Variants in LACTB observed in about 807,000 individuals in gnomAD.
LACTB encodes the protein serine beta-lactamase-like protein LACTB, mitochondrial.
LACTB carries 35 observed loss-of-function variants against 50.2 expected under a neutral mutation model. The ratio of observed to expected loss-of-function variants is 0.70; its 90% CI spans 0.53 to 0.92. The LOEUF (loss-of-function observed/expected upper bound fraction) is 0.92, where lower values mean the gene tolerates loss of function less well. Among genes scored for constraint, LACTB ranks in the 40% least tolerant of loss-of-function variants. The pLI is 0.00. For missense variants in LACTB, 664 were observed against 691.8 expected, an observed-to-expected ratio of 0.96 and a Z score of 0.45; for synonymous variants, 252 against 268.2, an observed-to-expected ratio of 0.94 and a Z score of 0.59.
At chr15:63,136,973 G>A (rs1479320428) in intron 5 of LACTB, among the ~76,000 whole-genome samples, 2 of 151,976 alleles carry the variant, frequency 1.3e-5, no homozygotes, top group African/African-American at 2.4e-5. Context: ...AGTACCATAC[G>A]GTGTCTGTCA....
At chr15:63,130,524 A>AAAGC (rs201227866) in intron 5 of LACTB, 8 of 148,514 alleles carry the variant, frequency 5.4e-5, no homozygotes, top group Admixed American at 4.0e-4. Flanking sequence ...GGAAAAAAAA[A>AAAGC]AAAAAAAAAA....
At chr15:63,127,273 C>T in intron 3 of LACTB, 80 bp from the exon 4 acceptor site, 1 of 1,163,412 alleles carries the variant, frequency 8.6e-7, no homozygotes, top group South Asian at 1.6e-5. Context: ...GAAAATATTA[C>T]TGAGACATTA....
In LACTB at chr15:63,127,120, G is replaced by A. The variant is rs914071081; in HGVS notation, c.615+71G>A. 26 of 1,187,306 alleles carry A rather than the reference G, an allele frequency of 2.2e-5. No homozygotes were observed. In the African/African-American group the frequency reaches 4.0e-4, roughly 18 times the overall value. The allele number at this position is 1,187,306 out of a possible 1,614,324, so 73.5% of individuals were successfully genotyped here. A position where few individuals can be genotyped will look rare whatever the true frequency, so the allele number is the denominator to read the frequency against. Reference sequence around the variant, plus strand: ...TTATGCTGGAATTTATATTTAAAATGTTTCATAGGATTCTTTGGCTTGTTT... The same window carrying A: ...TTATGCTGGAATTTATATTTAAAATATTTCATAGGATTCTTTGGCTTGTTT... On this transcript the variant is annotated intron_variant, in intron 3 of 5. Transcript: ENST00000261893.
At chr15:63,122,297 T>C in intron 1 of LACTB, 69 bp downstream of exon 1, 1 of 1,313,798 alleles carries the variant, frequency 7.6e-7, no homozygotes, top group Non-Finnish European at 1.0e-6. Flanking sequence ...TGTCGGGGGC[T>C]GAGTGGACCC....
chr15:63,122,486 A>T lies in LACTB; in HGVS notation c.358-150A>T, dbSNP rs542608438. The T allele has an allele frequency of 5.1e-5, 39 of 759,286 alleles. 1 individual carries two copies. Among genetic ancestry groups the T allele is most frequent in the Middle Eastern group, 3.5e-4 (1 of 2,830 alleles). The allele number at this position is 759,286 out of a possible 1,614,324, so 47.0% of individuals were successfully genotyped here. A position where few individuals can be genotyped will look rare whatever the true frequency, so the allele number is the denominator to read the frequency against. ...ACAGGCACATCCCTTGCTGTTAGTG[A>T]GTGACCATGGCCTGGGACGAGGTGG... is the stretch of plus-strand genomic sequence containing the variant. On this transcript the variant is annotated intron_variant, in intron 1 of 5. Coordinates refer to ENST00000261893, the MANE Select transcript of LACTB (RefSeq NM_032857.5).
At chr15:63,123,902 G>A (rs2037012118) in intron 2 of LACTB, among the ~76,000 whole-genome samples, 2 of 152,222 alleles carry the variant, frequency 1.3e-5, no homozygotes, top group South Asian at 4.1e-4. Context: ...ACAGGGAGAC[G>A]GTTAGGCCTC....
intron 5 of LACTB, among the ~76,000 whole-genome samples, chr15:63,131,961 A>AG (rs1232145045): frequency 1.3e-5 from 2 of 152,154 alleles, no homozygotes; most frequent in Non-Finnish European, 2.9e-5. Context: ...CAACAAAAAA[A>AG]AAAAAGAATA....
chr15:63,141,368 A>G lies in LACTB; in HGVS notation c.1207A>G (p.Thr403Ala), dbSNP rs766589039. ...ATGGGCTGGTGGTGGATTTCTGTCTACAGTGGGTGACCTTCTGAAATTTGG... is the reference window on the plus strand; with the variant it reads ...ATGGGCTGGTGGTGGATTTCTGTCTGCAGTGGGTGACCTTCTGAAATTTGG... The part of the protein sequence containing the change: ...YKWAGGGFLS[T>A]VGDLLKFGNA... The change falls in exon 6 of 6, where the codon ACA becomes GCA. Residue 403 changes from threonine (T) to alanine (A), a missense_variant. Transcript: ENST00000261893. The G allele has an allele frequency of 1.9e-6, 3 of 1,614,238 alleles. No individual in the cohort carries two copies. The highest frequency in any genetic ancestry group is 2.2e-5 in the East Asian group (1 of 44,894).
At chr15:63,122,301 T>TGGAC in intron 1 of LACTB, 73 bp downstream of exon 1, 1 of 1,294,208 alleles carries the variant, frequency 7.7e-7, no homozygotes, top group Non-Finnish European at 1.0e-6. Context: ...GGGGGCTGAG[T>TGGAC]GGACCCCACC....
chr15:63,133,666 A>G, intron 5 of LACTB, among the ~76,000 whole-genome samples: 1 of 152,210 alleles, frequency 6.6e-6, no homozygotes, highest in East Asian at 1.9e-4. Context: ...ACAAGACTAT[A>G]TGAAAGTGCT....
In LACTB at chr15:63,141,680, A is replaced by G. The variant is rs377555615; in HGVS notation, c.1519A>G (p.Thr507Ala). 4.4e-5 allele frequency: 71 copies of G among 1,614,196 alleles called. 1 individual carries two copies. The South Asian group carries it at 6.4e-4, about 14-fold the overall frequency. ...CCTTCCTGAAGAACTGGATACAGAG[A>G]CTATAAATAACAAGGTTCCCCCAAG... is the stretch of plus-strand genomic sequence containing the variant. The part of the protein sequence containing the change: ...LVLPEELDTE[T>A]INNKVPPRGI... Residue 507 changes from threonine (T) to alanine (A), a missense_variant, in exon 6 of 6, where the codon ACT (threonine) becomes GCT (alanine). Transcript: ENST00000261893.
At chr15:63,122,413 G>A (rs2036987059) in intron 1 of LACTB, among the ~76,000 whole-genome samples, 185 bp downstream of exon 1, 1 of 152,360 alleles carries the variant, frequency 6.6e-6, no homozygotes, top group Non-Finnish European at 1.5e-5. Flanking sequence ...AAATCTGGGT[G>A]GAGGTCACCG....
rs2037060765 is a variant in LACTB at position 63,126,923 on chromosome 15, T to A, written c.489T>A (p.Ala163=). ...PCKPETVMRI[A]SISKSLTMVA... ...AACCAGAGACAGTTATGCGAATTGC[T>A]AGCATCAGCAAAAGTCTCACCATGG... is the stretch of plus-strand genomic sequence containing the variant. Residue 163 remains alanine (A), a synonymous_variant, in exon 3 of 6, where the codon GCT becomes GCA. Coordinates refer to ENST00000261893, the MANE Select transcript of LACTB (RefSeq NM_032857.5). 6.2e-7 allele frequency: 1 copy of A among 1,613,374 alleles called. No homozygotes were observed. Among genetic ancestry groups the A allele is most frequent in the Non-Finnish European group, 8.5e-7 (1 of 1,179,516 alleles).
At chr15:63,135,002 T>C (rs1054912210) in intron 5 of LACTB, among the ~76,000 whole-genome samples, 1 of 152,240 alleles carries the variant, frequency 6.6e-6, no homozygotes, top group African/African-American at 2.4e-5. Context: ...TGTTAATTAC[T>C]GATAGGAATT....
chr15:63,122,762 C>A, intron 2 of LACTB, 60 bp downstream of exon 2: 1 of 1,198,944 alleles, frequency 8.3e-7, no homozygotes, highest in Non-Finnish European at 1.2e-6. Flanking sequence ...TATTGTTTTA[C>A]TGGTTAGAGT....
At chr15:63,132,065 A>G (rs1164525704) in intron 5 of LACTB, among the ~76,000 whole-genome samples, 1 of 152,026 alleles carries the variant, frequency 6.6e-6, no homozygotes, top group Non-Finnish European at 1.5e-5. Flanking sequence ...TGTAATTATT[A>G]TTTTAGATTC....
intron 5 of LACTB, among the ~76,000 whole-genome samples, chr15:63,137,783 C>T (rs2037190443): frequency 6.6e-6 from 1 of 152,150 alleles, no homozygotes; most frequent in Non-Finnish European, 1.5e-5. Context: ...TGTATTTTGA[C>T]AGTATAAATA....
At chr15:63,140,213 T>C (rs1566994192) in intron 5 of LACTB, among the ~76,000 whole-genome samples, 1 of 152,222 alleles carries the variant, frequency 6.6e-6, no homozygotes, top group Middle Eastern at 3.4e-3. Flanking sequence ...TAATCAGGAG[T>C]TGACACAAAG....
chr15:63,122,833 A>G (rs2036994987), intron 2 of LACTB, 131 bp downstream of exon 2: 2 of 660,262 alleles, frequency 3.0e-6, no homozygotes, highest in Non-Finnish European at 5.4e-6. Flanking sequence ...GAAAACATCT[A>G]ACATAATAAA....
Sources: allele counts gnomAD v4.1 joint callset (sites outside exome capture counted in the v4.1 genomes callset), GRCh38; gene constraint gnomAD v4.1.1; transcripts MANE v1.5; gene names NCBI Gene and HGNC (gene_info 2026-07-23, HGNC 2026-07-21).